Variants in LGI2 observed in about 807,000 individuals in gnomAD.
LGI2 encodes leucine rich repeat LGI family member 2.
A neutral mutation model predicts 52.0 loss-of-function variants in LGI2; 30 were observed. That is an observed-to-expected ratio of 0.58 (90% CI 0.43 to 0.78). The LOEUF is 0.78. Ranked by LOEUF, LGI2 falls within the 30% of genes least tolerant of loss-of-function variation. LGI2 has a pLI of 0.00. For missense variants in LGI2, 573 were observed against 692.5 expected (o/e 0.83, Z 1.94); for synonymous variants, 270 against 271.8 (o/e 0.99, Z 0.06).
rs991638681 is a variant in LGI2, at chr4:25,000,953, A to G, written c.*2498T>C. 1 of 152,240 alleles carries G rather than the reference A, an allele frequency of 6.6e-6. No homozygotes were observed. Among genetic ancestry groups the G allele is most frequent in the African/African-American group, 2.4e-5 (1 of 41,462 alleles). 9.4% of individuals were successfully genotyped at this position (152,240 alleles called of 1,614,324 possible). A position where few individuals can be genotyped will look rare whatever the true frequency, so the allele number is the denominator to read the frequency against. The stretch of plus-strand genomic sequence containing the variant: ...GTGCCAAGAACATCTATGCTCCTTT[A>G]GTAAGTTGGCCAGAACAAATATCTC... On this transcript the variant is annotated 3_prime_UTR_variant, in exon 8 of 8. Transcript: ENST00000382114.
chr4:25,023,342 G>A (rs1726036254), intron 4 of LGI2, among the ~76,000 whole-genome samples: 1 of 152,200 alleles, frequency 6.6e-6, no homozygotes, highest in South Asian at 2.1e-4. Flanking sequence ...TTGGGGATTT[G>A]ACACTTAGGT....
rs1725730806 is a variant in LGI2 at position 25,015,543 on chromosome 4, C to T, written c.655+2446G>A. ...CTCTCTCTGGGAAAAAACAGTGAAA[C>T]AGGAGAAAACTCACCCCTTTTCCGA... On this transcript the variant is annotated intron_variant, in intron 6 of 7. Coordinates refer to ENST00000382114, the MANE Select transcript of LGI2 (RefSeq NM_018176.4). 3.3e-5 allele frequency among the ~76,000 whole-genome samples: 5 copies of T among 152,140 alleles called. No individual in the cohort carries two copies. The South Asian group carries it at 8.3e-4, about 25-fold the overall frequency.
Position 25,017,979 on chromosome 4 carries a change from C to A in LGI2, c.655+10G>T. 3.7e-6 allele frequency: 6 copies of A among 1,600,972 alleles called. No homozygotes were observed. Among genetic ancestry groups the A allele is most frequent in the Non-Finnish European group, 5.1e-6 (6 of 1,175,300 alleles). On this transcript the variant is annotated intron_variant, in intron 6 of 7. Coordinates refer to ENST00000382114, the MANE Select transcript of LGI2 (RefSeq NM_018176.4). The stretch of plus-strand genomic sequence containing the variant: ...AAATATCCGTGTCTGATGAGATAGG[C>A]TCTGAATACCTGTAGTTGTGCATTC...
At chr4:25,006,878 T>C (rs912997837) in intron 7 of LGI2, among the ~76,000 whole-genome samples, 2 of 152,224 alleles carry the variant, frequency 1.3e-5, no homozygotes, top group Admixed American at 6.5e-5. Flanking sequence ...CAGTCTATAC[T>C]CTGATACCAA....
chr4:25,030,489 C>G lies in LGI2; in HGVS notation c.197+8G>C, dbSNP rs369392109. 1.9e-6 allele frequency: 3 copies of G among 1,578,900 alleles called. No individual in the cohort carries two copies. Among genetic ancestry groups the G allele is most frequent in the South Asian group, 2.3e-5 (2 of 85,950 alleles). On this transcript the variant is annotated splice_region_variant and intron_variant, in intron 1 of 7. Transcript: ENST00000382114. ...GGACGGGATGGGGGCTGGAGGGGTC[C>G]CACTCACAGGGAGCTGATGTCGCCC...
Position 25,004,134 on chromosome 4 carries a change from C to G in LGI2, c.955G>C (p.Glu319Gln), listed in dbSNP as rs544135748. Residue 319 changes from glutamate (E) to glutamine (Q), a missense_variant, in exon 8 of 8, where the codon GAG becomes CAG. Coordinates refer to ENST00000382114, the MANE Select transcript of LGI2 (RefSeq NM_018176.4). This position sits in a 1 kb window ranked among gnomAD's most constrained non-coding sequence, Gnocchi z 4.6. ...WTKFVKFQDIEVSRISKPNDI... is the reference protein window; with the variant it reads ...WTKFVKFQDIQVSRISKPNDI... ...TTGGGCTTGGAAATGCGAGAGACCTCTATGTCTTGGAATTTGACAAATTTG... is the reference window on the plus strand; with the variant it reads ...TTGGGCTTGGAAATGCGAGAGACCTGTATGTCTTGGAATTTGACAAATTTG... 4 of 1,614,156 alleles carry G rather than the reference C, an allele frequency of 2.5e-6. No individual in the cohort carries two copies. In the Admixed American group the frequency reaches 5.0e-5, roughly 20 times the overall value.
intron 3 of LGI2, among the ~76,000 whole-genome samples, chr4:25,026,050 T>C (rs2109426090): frequency 6.6e-6 from 1 of 151,986 alleles, no homozygotes; most frequent in East Asian, 1.9e-4. Context: ...AAAGAATTCC[T>C]CCAGGAACAT....
chr4:25,017,009 T>G (rs1187543770), intron 6 of LGI2, among the ~76,000 whole-genome samples: 1 of 152,188 alleles, frequency 6.6e-6, no homozygotes, highest in African/African-American at 2.4e-5. Context: ...GGCCCCATGT[T>G]GTGACAGTGG....
Position 25,030,638 on chromosome 4 carries a change from C to T in LGI2, c.56G>A (p.Gly19Asp), listed in dbSNP as rs1726309195. The T allele has an allele frequency of 1.3e-6, 2 of 1,546,356 alleles. No individual in the cohort carries two copies. Among genetic ancestry groups the T allele is most frequent in the Non-Finnish European group, 8.7e-7 (1 of 1,146,688 alleles). Residue 19 changes from glycine to aspartate, a missense_variant, in exon 1 of 8, where the codon GGC (glycine) becomes GAC (aspartate). Gly to Asp is a moderately conservative substitution (Grantham distance 94, BLOSUM62 -1). Transcript: ENST00000382114. Reference sequence around the variant, plus strand: ...GCTCCGCGGTATCAGGCACGCGGCGCCCAGCAGCAGCAGCAGCAGCCCGAG... The same window carrying T: ...GCTCCGCGGTATCAGGCACGCGGCGTCCAGCAGCAGCAGCAGCAGCCCGAG... ...GALGLLLLLLGAACLIPRSAQ... is the reference protein window; with the variant it reads ...GALGLLLLLLDAACLIPRSAQ...
At position 25,003,735 on chromosome 4, in the gene LGI2, G is replaced by T. The variant is rs1303628731; in HGVS notation, c.1354C>A (p.Gln452Lys). Residue 452 changes from glutamine to lysine, a missense_variant, in exon 8 of 8, where the codon CAG becomes AAG. Physicochemically the swap from Gln to Lys is moderately conservative, Grantham distance 53. Transcript: ENST00000382114. Reference protein sequence around the residue: ...DSRVMRWNSKQFVEIQALPSR... With the variant: ...DSRVMRWNSKKFVEIQALPSR... ...GGAAGAGCTTGGATCTCCACAAACT[G>T]CTTACTGTTCCACCTCATGACCCGG... The T allele has an allele frequency of 6.2e-7, 1 of 1,614,170 alleles. No individual in the cohort carries two copies. Among genetic ancestry groups the T allele is most frequent in the South Asian group, 1.1e-5 (1 of 91,078 alleles).
chr4:25,021,105 G>GA (rs1725943425), intron 4 of LGI2, among the ~76,000 whole-genome samples: 1 of 127,180 alleles, frequency 7.9e-6, no homozygotes. Context: ...AATGGTCAAA[G>GA]CCAAAAAAAA....
intron 6 of LGI2, 53 bp from the exon 7 acceptor site, chr4:25,012,552 T>C (rs1577551649): frequency 1.3e-6 from 2 of 1,578,044 alleles, no homozygotes; most frequent in African/African-American, 2.7e-5. Flanking sequence ...CTGTAGGGAT[T>C]ATCAACCACC....
intron 7 of LGI2, among the ~76,000 whole-genome samples, chr4:25,010,195 G>A (rs1725534280): frequency 6.6e-6 from 1 of 151,952 alleles, no homozygotes; most frequent in African/African-American, 2.4e-5. Context: ...CAGGAGAATT[G>A]CTTGAACCCG....
At chr4:25,014,492 A>AAG (rs1725690626) in intron 6 of LGI2, among the ~76,000 whole-genome samples, 1 of 134,896 alleles carries the variant, frequency 7.4e-6, no homozygotes, top group Non-Finnish European at 1.6e-5. Context: ...GCCAAAAAAA[A>AAG]GGAAGGAGAA....
intron 4 of LGI2, among the ~76,000 whole-genome samples, chr4:25,023,969 G>GT (rs1726061131): frequency 6.6e-6 from 1 of 152,154 alleles, no homozygotes; most frequent in African/African-American, 2.4e-5. Flanking sequence ...AAGAAGCAGA[G>GT]AGCTTAGTTG....
rs75419113 is a variant in LGI2, at chr4:25,001,555, A to G, written c.*1896T>C. The G allele has an allele frequency of 2.3e-5, 2 of 88,612 alleles. No homozygotes were observed. Among genetic ancestry groups the G allele is most frequent in the Non-Finnish European group, 4.5e-5 (2 of 44,166 alleles). The allele number at this position is 88,612 out of a possible 1,614,324, so 5.5% of individuals were successfully genotyped here. On this transcript the variant is annotated 3_prime_UTR_variant, in exon 8 of 8. Coordinates refer to ENST00000382114, the MANE Select transcript of LGI2 (RefSeq NM_018176.4). The stretch of plus-strand genomic sequence containing the variant: ...ATTTGTAGCCTGTTCAAAGAAACCA[A>G]GAGGGAAAAAAAAGTGCAGAAGAAA...
chr4:25,009,795 C>A (rs940289767), intron 7 of LGI2, among the ~76,000 whole-genome samples: 15 of 151,962 alleles, frequency 9.9e-5, no homozygotes, highest in Non-Finnish European at 1.6e-4. Flanking sequence ...GCCACCACGC[C>A]CAGCTAATTT....
At chr4:25,030,179 A>G (rs1345413313) in intron 1 of LGI2, among the ~76,000 whole-genome samples, 3 of 151,922 alleles carry the variant, frequency 2.0e-5, no homozygotes, top group African/African-American at 4.8e-5. Context: ...CCAGGACTCC[A>G]CTCCAAAGAC....
At chr4:25,029,465 G>A (rs901487471) in intron 1 of LGI2, among the ~76,000 whole-genome samples, 2 of 152,204 alleles carry the variant, frequency 1.3e-5, no homozygotes, top group African/African-American at 4.8e-5. Context: ...AAAGTATCTT[G>A]AGCACAAGCA....
Sources: gnomAD v4.1 joint callset for allele counts (sites outside exome capture counted in the v4.1 genomes callset) on GRCh38, gnomAD v4.1.1 for gene constraint, Gnocchi (gnomAD v3.1) non-coding constraint, MANE v1.5 for transcripts, NCBI Gene and HGNC (gene_info 2026-07-23, HGNC 2026-07-21) for gene names.